SGSM3: variants seen among roughly 807,000 people sequenced by gnomAD.
SGSM3 encodes small G protein signaling modulator 3.
A neutral mutation model predicts 100.5 loss-of-function variants in SGSM3; 96 were observed. The observed-to-expected ratio is 0.96, with a 90% CI of 0.81 to 1.13. SGSM3 has a LOEUF of 1.13. Among genes scored for constraint, SGSM3 ranks in the 50% most tolerant of loss-of-function variants. The probability of loss-of-function intolerance (pLI) is 0.00; values close to 1 mark genes in which losing one functional copy is unlikely to be tolerated. For missense variants in SGSM3, 1,001 were observed against 1,015.8 expected, an observed-to-expected ratio of 0.99 and a Z score of 0.20; for synonymous variants, 483 against 422.8, an observed-to-expected ratio of 1.14 and a Z score of -1.75.
chr22:40,393,753 G>T (rs1430129392), intron 1 of SGSM3, among the ~76,000 whole-genome samples: 1 of 152,210 alleles, frequency 6.6e-6, no homozygotes, highest in South Asian at 2.1e-4. Flanking sequence ...CCTTCTTGCT[G>T]CATCCTAATA....
chr22:40,407,586 A>C lies in SGSM3; in HGVS notation c.1524+18A>C. On this transcript the variant is annotated intron_variant, in intron 13 of 21. Coordinates refer to ENST00000248929, the MANE Select transcript of SGSM3 (RefSeq NM_015705.6). The surrounding 1 kb of genome is among the most constrained non-coding windows in gnomAD (Gnocchi z 4.7). ...TCATCACAGTGCGTGGGGGCGCTGG[A>C]CTACCAGGTCCTCAGGCTGTGGCGG... The C allele has an allele frequency of 6.3e-7, 1 of 1,599,956 alleles. No individual in the cohort carries two copies. The highest frequency in any genetic ancestry group is 1.7e-4 in the Middle Eastern group (1 of 6,056).
At chr22:40,405,627 C>T (rs1602080856) in intron 7 of SGSM3, 22 bp from the exon 8 acceptor site, 10 of 1,605,222 alleles carry the variant, frequency 6.2e-6, no homozygotes, top group East Asian at 2.2e-5. Flanking sequence ...GTAGAAGGCC[C>T]TTGTCCCTGT....
intron 1 of SGSM3, among the ~76,000 whole-genome samples, chr22:40,370,939 C>A (rs1415836261): frequency 6.6e-6 from 1 of 152,230 alleles, no homozygotes; most frequent in South Asian, 2.1e-4. Flanking sequence ...CGCCCCTAGA[C>A]GGCCGAGGCC....
rs547472323 is a variant in SGSM3 at position 40,405,363 on chromosome 22, G to A, written c.618+79G>A. 158 of 1,331,176 alleles carry A rather than the reference G, an allele frequency of 1.2e-4. 1 individual carries two copies. The highest frequency in any genetic ancestry group is 8.3e-4 in the South Asian group (49 of 59,194). 82.5% of individuals were successfully genotyped at this position (1,331,176 alleles called of 1,614,324 possible). ...CTAACAAGGAGTGGCCTCCCGCTAC[G>A]GGGCAGTAGCCCCAGGGCCTCCTCC... On this transcript the variant is annotated intron_variant, in intron 7 of 21. Coordinates refer to ENST00000248929, the MANE Select transcript of SGSM3 (RefSeq NM_015705.6).
At chr22:40,377,898 A>G (rs2046914131) in intron 1 of SGSM3, among the ~76,000 whole-genome samples, 1 of 151,934 alleles carries the variant, frequency 6.6e-6, no homozygotes, top group Non-Finnish European at 1.5e-5. Flanking sequence ...CCTGAAGAGG[A>G]GAGAAATCTT....
At chr22:40,375,874 C>T (rs993758882) in intron 1 of SGSM3, among the ~76,000 whole-genome samples, 1 of 151,714 alleles carries the variant, frequency 6.6e-6, no homozygotes, top group Non-Finnish European at 1.5e-5. Context: ...CCTGCCTCTA[C>T]AAAAAAATTT....
chr22:40,402,040 G>T, intron 3 of SGSM3, 99 bp from the exon 4 acceptor site: 1 of 895,286 alleles, frequency 1.1e-6, no homozygotes, highest in South Asian at 1.4e-5. Flanking sequence ...CCGAAGGCTG[G>T]GTGGGATTTT....
chr22:40,377,843 CT>C (rs1460412885), intron 1 of SGSM3, among the ~76,000 whole-genome samples: 15 of 134,306 alleles, frequency 1.1e-4, no homozygotes, highest in African/African-American at 4.3e-4. Context: ...AAGACCCTGT[CT>C]CAAAAAAAAA....
intron 1 of SGSM3, among the ~76,000 whole-genome samples, chr22:40,391,300 ACT>A (rs1365598142): frequency 1.2e-4 from 18 of 152,164 alleles, no homozygotes; most frequent in African/African-American, 4.3e-4. Context: ...ATTCTGATAC[ACT>A]CTGTATTTTG....
intron 1 of SGSM3, among the ~76,000 whole-genome samples, chr22:40,398,023 A>T (rs1402110282): frequency 7.5e-6 from 1 of 132,702 alleles, no homozygotes; most frequent in East Asian, 2.2e-4. Flanking sequence ...GCTGGAATGC[A>T]GTGGCGCCAT....
intron 1 of SGSM3, among the ~76,000 whole-genome samples, chr22:40,379,842 T>C (rs915995157): frequency 2.6e-5 from 4 of 152,074 alleles, no homozygotes; most frequent in Non-Finnish European, 5.9e-5. Context: ...CTGAGTAATC[T>C]GGGACTACAG....
At chr22:40,393,839 G>A (rs1427244495) in intron 1 of SGSM3, among the ~76,000 whole-genome samples, 1 of 152,180 alleles carries the variant, frequency 6.6e-6, no homozygotes, top group Non-Finnish European at 1.5e-5. Flanking sequence ...GATGTGGGAG[G>A]AGGCTTCATG....
intron 1 of SGSM3, among the ~76,000 whole-genome samples, chr22:40,375,697 T>G (rs566612385): frequency 2.0e-5 from 3 of 151,796 alleles, no homozygotes; most frequent in South Asian, 4.2e-4. Flanking sequence ...CAAAATTATG[T>G]GACTTTTCTC....
At chr22:40,406,387 C>A (rs761740121) in intron 9 of SGSM3, 51 bp from the exon 10 acceptor site, 2 of 1,503,026 alleles carry the variant, frequency 1.3e-6, no homozygotes, top group Non-Finnish European at 1.8e-6. Context: ...CTCAGTGCCA[C>A]GTCCCTGCAA....
chr22:40,380,138 A>G (rs2047318605), intron 1 of SGSM3, among the ~76,000 whole-genome samples: 2 of 152,172 alleles, frequency 1.3e-5, no homozygotes, highest in Admixed American at 6.6e-5. Context: ...GAGGCAGTAT[A>G]AAGTAGTGAA....
In SGSM3 at chr22:40,404,665, G is replaced by C; in HGVS notation, c.474+1G>C. ...CGATGAGACCATCGCTGCCAAGCAGGTGAGGCCGGTGGCACTGTGCAGGAA... is the reference window on the plus strand; with the variant it reads ...CGATGAGACCATCGCTGCCAAGCAGCTGAGGCCGGTGGCACTGTGCAGGAA... On this transcript the variant is annotated splice_donor_variant, in intron 6 of 21. Transcript: ENST00000248929. LOFTEE classifies it high-confidence loss of function. 6.2e-7 allele frequency: 1 copy of C among 1,603,206 alleles called. No homozygotes were observed. Among genetic ancestry groups the C allele is most frequent in the Non-Finnish European group, 8.5e-7 (1 of 1,172,078 alleles).
intron 1 of SGSM3, among the ~76,000 whole-genome samples, chr22:40,395,448 A>C (rs1008658986): frequency 1.3e-5 from 2 of 151,964 alleles, no homozygotes; most frequent in African/African-American, 4.8e-5. Context: ...CAGCCTCCCA[A>C]GTAGCTGGGA....
At chr22:40,373,236 C>G (rs1488666805) in intron 1 of SGSM3, 1 of 152,144 alleles carries the variant, frequency 6.6e-6, no homozygotes, top group Non-Finnish European at 1.5e-5. Flanking sequence ...GCTGTACTAC[C>G]TTATCAACAA....
chr22:40,404,034 G>C (rs530050447), intron 4 of SGSM3: 275 of 415,058 alleles, frequency 6.6e-4, no homozygotes, highest in Middle Eastern at 3.7e-3. Context: ...GTGGCTTTGA[G>C]GAGAAGGTGA....
Sources: allele counts gnomAD v4.1 joint callset (sites outside exome capture counted in the v4.1 genomes callset), GRCh38; gene constraint gnomAD v4.1.1; non-coding constraint Gnocchi (gnomAD v3.1); transcripts MANE v1.5; gene names NCBI Gene and HGNC (gene_info 2026-07-23, HGNC 2026-07-21).